Variants in MRPS27 observed in about 807,000 individuals in gnomAD.
MRPS27 encodes the protein small ribosomal subunit protein mS27.
Under a neutral mutation model 48.9 loss-of-function variants are expected in MRPS27, and 43 were observed. That is an observed-to-expected ratio of 0.88 (90% CI 0.69 to 1.13). The LOEUF is 1.13. MRPS27 is among the 50% of genes most tolerant of loss of function. The pLI, the probability that MRPS27 is intolerant of heterozygous loss-of-function variation, is 0.00. For missense variants in MRPS27, 467 were observed against 476.3 expected, an observed-to-expected ratio of 0.98 and a Z score of 0.18; for synonymous variants, 188 against 171.9, an observed-to-expected ratio of 1.09 and a Z score of -0.73.
chr5:72,307,512 C>T (rs1750304836), intron 2 of MRPS27, among the ~76,000 whole-genome samples: 1 of 152,112 alleles, frequency 6.6e-6, no homozygotes, highest in South Asian at 2.1e-4. Flanking sequence ...GATGAAATGA[C>T]TTACTGCCTG....
chr5:72,223,628 G>T, intron 10 of MRPS27, 55 bp downstream of exon 10: 1 of 1,591,730 alleles, frequency 6.3e-7, no homozygotes, highest in Non-Finnish European at 8.6e-7. Flanking sequence ...CATCACCACA[G>T]GAGAGAAGTG....
intron 4 of MRPS27, among the ~76,000 whole-genome samples, chr5:72,268,435 G>A (rs1325066701): frequency 2.6e-5 from 4 of 152,180 alleles, no homozygotes; most frequent in Non-Finnish European, 5.9e-5. Flanking sequence ...GGGGAAGGCG[G>A]TATGAACATG....
chr5:72,319,557 T>G (rs1387728440), intron 1 of MRPS27, among the ~76,000 whole-genome samples: 1 of 147,428 alleles, frequency 6.8e-6, no homozygotes, highest in Non-Finnish European at 1.5e-5. Flanking sequence ...TTTTTTTTTT[T>G]TTTTGAGACA....
chr5:72,303,345 T>A (rs927034627), intron 2 of MRPS27, among the ~76,000 whole-genome samples: 4 of 152,140 alleles, frequency 2.6e-5, no homozygotes, highest in Non-Finnish European at 5.9e-5. Context: ...AAAAGCAGGT[T>A]AGACACAGGT....
intron 2 of MRPS27, among the ~76,000 whole-genome samples, chr5:72,305,199 T>C (rs1313095816): frequency 6.6e-6 from 1 of 152,190 alleles, no homozygotes; most frequent in Non-Finnish European, 1.5e-5. Flanking sequence ...TATATATTAA[T>C]GAGACTAAAG....
chr5:72,291,218 A>C (rs1749810552), intron 4 of MRPS27, among the ~76,000 whole-genome samples: 1 of 152,208 alleles, frequency 6.6e-6, no homozygotes, highest in Non-Finnish European at 1.5e-5. Flanking sequence ...TAAGAAGAGA[A>C]AACAAAGACC....
chr5:72,311,810 G>C (rs1408913329), intron 2 of MRPS27, among the ~76,000 whole-genome samples: 1 of 152,198 alleles, frequency 6.6e-6, no homozygotes, highest in Admixed American at 6.5e-5. Context: ...GACAGATATA[G>C]AGGAGTTCTT....
At chr5:72,236,644 T>C (rs928500979) in intron 5 of MRPS27, among the ~76,000 whole-genome samples, 12 of 152,130 alleles carry the variant, frequency 7.9e-5, no homozygotes, top group Admixed American at 4.6e-4. Context: ...TCCAGGGACC[T>C]AGCTCAATCT....
At chr5:72,296,016 T>G (rs1451882798) in intron 3 of MRPS27, among the ~76,000 whole-genome samples, 1 of 152,092 alleles carries the variant, frequency 6.6e-6, no homozygotes, top group Non-Finnish European at 1.5e-5. Context: ...GCCCAGAACA[T>G]AAACATCTAA....
chr5:72,223,535 T>C, intron 10 of MRPS27, 148 bp downstream of exon 10: 1 of 963,414 alleles, frequency 1.0e-6, no homozygotes, highest in South Asian at 1.8e-5. Flanking sequence ...GACCACTTCC[T>C]GTGCAAAGCA....
intron 4 of MRPS27, among the ~76,000 whole-genome samples, chr5:72,247,877 A>G (rs1002100598): frequency 6.6e-6 from 1 of 152,108 alleles, no homozygotes; most frequent in Non-Finnish European, 1.5e-5. Context: ...GTGGGCATAG[A>G]GATATTAAGA....
chr5:72,251,684 G>C (rs972717402), intron 4 of MRPS27, among the ~76,000 whole-genome samples: 3 of 152,170 alleles, frequency 2.0e-5, no homozygotes, highest in Non-Finnish European at 1.5e-5. Flanking sequence ...AGGATAAACC[G>C]AACTACTGAA....
chr5:72,273,940 G>T (rs1749311048), intron 4 of MRPS27, among the ~76,000 whole-genome samples: 1 of 152,022 alleles, frequency 6.6e-6, no homozygotes, highest in Non-Finnish European at 1.5e-5. Context: ...TAACACTTAG[G>T]TTAAAACACA....
chr5:72,241,428 T>C, intron 4 of MRPS27: 1 of 539,262 alleles, frequency 1.9e-6, no homozygotes, highest in Non-Finnish European at 3.3e-6. Context: ...AACTCCTTTC[T>C]TGGCCCCCAT....
chr5:72,221,344 C>T (rs915662846), intron 10 of MRPS27, among the ~76,000 whole-genome samples, 196 bp from the exon 11 acceptor site: 1 of 152,124 alleles, frequency 6.6e-6, no homozygotes, highest in African/African-American at 2.4e-5. Context: ...AGAAAAAAAC[C>T]ATTTTGTTGG....
At chr5:72,314,271 ATAATC>A (rs1750513764) in intron 1 of MRPS27, 113 bp from the exon 2 acceptor site, 2 of 727,952 alleles carry the variant, frequency 2.7e-6, no homozygotes, top group African/African-American at 3.5e-5. Flanking sequence ...TATATTTTAA[ATAATC>A]TAATACAGTA....
intron 4 of MRPS27, among the ~76,000 whole-genome samples, chr5:72,285,708 A>T (rs1369739645): frequency 6.6e-6 from 1 of 152,230 alleles, no homozygotes; most frequent in Admixed American, 6.5e-5. Context: ...ACATTTTTGT[A>T]GAAACGGAGT....
chr5:72,270,157 T>C (rs7709268), intron 4 of MRPS27, among the ~76,000 whole-genome samples: 135,534 of 149,384 alleles, frequency 0.91, 61,864 homozygotes, highest in East Asian at 1. Context: ...TGCATCATTA[T>C]GCTCCAGCCT....
rs1373802661 is a variant in MRPS27 at position 72,295,515 on chromosome 5, C to A, written c.281+16G>T. The A allele has an allele frequency of 6.3e-7, 1 of 1,593,646 alleles. No individual in the cohort carries two copies. Among genetic ancestry groups the A allele is most frequent in the Admixed American group, 1.7e-5 (1 of 59,696 alleles). On this transcript the variant is annotated intron_variant, in intron 4 of 10. Coordinates refer to ENST00000261413, the MANE Select transcript of MRPS27 (RefSeq NM_015084.3). The stretch of plus-strand genomic sequence containing the variant: ...GAAATCACAGAGTACATAGCCAAAT[C>A]AAATGGAAAACTTACTTGTAAAGGT...
Sources: allele counts gnomAD v4.1 joint callset (sites outside exome capture counted in the v4.1 genomes callset), GRCh38; gene constraint gnomAD v4.1.1; transcripts MANE v1.5; gene names NCBI Gene and HGNC (gene_info 2026-07-23, HGNC 2026-07-21).